The following MCM2 variants were observed in gnomAD, a reference collection of about 807,000 sequenced individuals.
The protein encoded by MCM2 is minichromosome maintenance complex component 2.
In MCM2, 49 loss-of-function variants were observed where a neutral mutation model predicts 86.4. The ratio of observed to expected loss-of-function variants is 0.57; its 90% CI spans 0.45 to 0.72. The LOEUF (loss-of-function observed/expected upper bound fraction) is 0.72, where lower values mean the gene tolerates loss of function less well. MCM2 is among the 30% of genes least tolerant of loss of function. The probability of loss-of-function intolerance (pLI) is 0.00; values close to 1 mark genes in which losing one functional copy is unlikely to be tolerated. For synonymous variants in MCM2, 475 were observed against 484.6 expected (o/e 0.98, Z 0.26); for missense variants, 1,038 against 1,259.9 (o/e 0.82, Z 2.67).
chr3:127,614,706 G>A (rs1475348749), intron 8 of MCM2, among the ~76,000 whole-genome samples: 1 of 152,128 alleles, frequency 6.6e-6, no homozygotes, highest in Non-Finnish European at 1.5e-5. Flanking sequence ...AGGTGACCTG[G>A]GTATCATAAC....
At chr3:127,612,596 AG>A (rs1411798436) in intron 8 of MCM2, among the ~76,000 whole-genome samples, 1 of 152,236 alleles carries the variant, frequency 6.6e-6, no homozygotes, top group African/African-American at 2.4e-5. Flanking sequence ...AAGCATAAGC[AG>A]CCAGTAGGTA....
chr3:127,609,190 A>G (rs1457251404), intron 8 of MCM2, among the ~76,000 whole-genome samples, 167 bp downstream of exon 8: 1 of 152,124 alleles, frequency 6.6e-6, no homozygotes, highest in Non-Finnish European at 1.5e-5. Flanking sequence ...GGAAGAGGTA[A>G]ACTCGCATTG....
chr3:127,611,170 A>G (rs957762156), intron 8 of MCM2, among the ~76,000 whole-genome samples: 8 of 152,198 alleles, frequency 5.3e-5, no homozygotes, highest in Non-Finnish European at 1.0e-4. Flanking sequence ...GAGTGCTACC[A>G]CAGTGGACAC....
In MCM2 at chr3:127,606,551, C is replaced by T. The variant is rs111346122; in HGVS notation, c.894-59C>T. ...CCAGGACAGTGTGTTGGGACACTCTCGTCTGCAGCCTGGCCTCACCCTGGC... is the reference window on the plus strand; with the variant it reads ...CCAGGACAGTGTGTTGGGACACTCTTGTCTGCAGCCTGGCCTCACCCTGGC... On this transcript the variant is annotated intron_variant, in intron 5 of 15. Coordinates refer to ENST00000265056, the MANE Select transcript of MCM2 (RefSeq NM_004526.4). This position sits in a 1 kb window ranked among gnomAD's most constrained non-coding sequence, Gnocchi z 4.2. 33 of 1,498,466 alleles carry T rather than the reference C, an allele frequency of 2.2e-5. No homozygotes were observed. Among genetic ancestry groups the T allele is most frequent in the African/African-American group, 6.9e-5 (5 of 72,742 alleles). The allele number at this position is 1,498,466 out of a possible 1,614,324, so 92.8% of individuals were successfully genotyped here.
At chr3:127,614,295 A>T (rs1346406145) in intron 8 of MCM2, among the ~76,000 whole-genome samples, 3 of 152,252 alleles carry the variant, frequency 2.0e-5, no homozygotes, top group Admixed American at 6.5e-5. Flanking sequence ...CAATACCATT[A>T]TCTCACTTTA....
At position 127,604,636 on chromosome 3, in the gene MCM2, G is replaced by A. The variant is rs778548957; in HGVS notation, c.265G>A (p.Ala89Thr). 1.9e-5 allele frequency: 30 copies of A among 1,613,190 alleles called. No individual in the cohort carries two copies. The highest frequency in any genetic ancestry group is 2.4e-5 in the Non-Finnish European group (28 of 1,180,048). Residue 89 changes from alanine to threonine, a missense_variant, in exon 3 of 16, where the codon GCC becomes ACC. Ala to Thr is a moderately conservative substitution (Grantham distance 58). Coordinates refer to ENST00000265056, the MANE Select transcript of MCM2 (RefSeq NM_004526.4). ...CTACCGCGCCATCCCAGAGCTGGACGCCTATGAGGCCGAGGGACTGGCTCT... is the reference window on the plus strand; with the variant it reads ...CTACCGCGCCATCCCAGAGCTGGACACCTATGAGGCCGAGGGACTGGCTCT... Reference protein sequence around the residue: ...RDYRAIPELDAYEAEGLALDD... With the variant: ...RDYRAIPELDTYEAEGLALDD...
In MCM2 at chr3:127,608,982, A is replaced by T. The variant is rs190988564; in HGVS notation, c.1387A>T (p.Met463Leu). ...VGELTDEDVK[M>L]ITSLSKDQQI... ...GGAACTGACCGATGAAGATGTGAAG[A>T]TGATCACTAGCCTCTCCAAGGATCA... The change falls in exon 8 of 16, where the codon ATG becomes TTG. Residue 463 changes from methionine to leucine, a missense_variant. By Grantham distance (15) the Met-to-Leu change is conservative. Coordinates refer to ENST00000265056, the MANE Select transcript of MCM2 (RefSeq NM_004526.4). 6.2e-7 allele frequency: 1 copy of T among 1,614,206 alleles called. No homozygotes were observed. The highest frequency in any genetic ancestry group is 2.2e-5 in the East Asian group (1 of 44,886).
At position 127,621,205 on chromosome 3, in the gene MCM2, C is replaced by A. The variant is rs1559868687; in HGVS notation, c.2581C>A (p.Pro861Thr). Reference sequence around the variant, plus strand: ...GGCCCAGCAGGACACTATTGAGGTCCCTGAGAAGGACTTGGTGGATAAGGT... The same window carrying A: ...GGCCCAGCAGGACACTATTGAGGTCACTGAGAAGGACTTGGTGGATAAGGT... ...FGAQQDTIEV[P>T]EKDLVDKARQ... The change falls in exon 15 of 16, where the codon CCT becomes ACT. Residue 861 changes from proline (P) to threonine (T), a missense_variant. Pro to Thr is a conservative substitution (Grantham distance 38). Coordinates refer to ENST00000265056, the MANE Select transcript of MCM2 (RefSeq NM_004526.4). 6.2e-7 allele frequency: 1 copy of A among 1,614,086 alleles called. No homozygotes were observed.
chr3:127,616,977 C>T lies in MCM2; in HGVS notation c.1632C>T (p.Ile544=), dbSNP rs778384031. 3.7e-6 allele frequency: 6 copies of T among 1,614,238 alleles called. No individual in the cohort carries two copies. Among genetic ancestry groups the T allele is most frequent in the Middle Eastern group, 1.6e-4 (1 of 6,062 alleles). ...KYIEKVSSRA[I]FTTGQGASAV... ...TTGAGAAAGTGTCCAGCCGAGCCAT[C>T]TTCACCACTGGCCAGGGGGCGTCGG... Residue 544 remains isoleucine, a synonymous_variant, in exon 10 of 16, where the codon ATC becomes ATT. Transcript: ENST00000265056.
chr3:127,602,897 G>A (rs1475838092), intron 2 of MCM2, among the ~76,000 whole-genome samples: 3 of 152,184 alleles, frequency 2.0e-5, no homozygotes, highest in Non-Finnish European at 4.4e-5. Flanking sequence ...AAGCCTTTTG[G>A]TCTAATGTTT....
At chr3:127,607,224 T>C (rs975570915) in intron 6 of MCM2, among the ~76,000 whole-genome samples, 3 of 152,198 alleles carry the variant, frequency 2.0e-5, no homozygotes, top group Non-Finnish European at 4.4e-5. Context: ...TTCTGGGACC[T>C]GTCTGGCTCA....
chr3:127,610,456 C>T (rs566444376), intron 8 of MCM2, among the ~76,000 whole-genome samples: 4 of 152,292 alleles, frequency 2.6e-5, no homozygotes, highest in African/African-American at 9.6e-5. Flanking sequence ...TCCACCTTCC[C>T]CTGAAGCCTG....
rs146895950 is a variant in MCM2, at chr3:127,606,200, G to A, written c.756G>A (p.Pro252=). 4.2e-5 allele frequency: 67 copies of A among 1,614,076 alleles called. No individual in the cohort carries two copies. The highest frequency in any genetic ancestry group is 1.3e-4 in the East Asian group (6 of 44,904). ...TGGCCTACTTCCTGCCTGAGGCACC[G>A]GCGGAGCTGCTGCAGATCTTTGATG... The part of the protein sequence containing the change: ...HVLAYFLPEA[P]AELLQIFDEA... Residue 252 remains proline (P), a synonymous_variant, in exon 5 of 16, where the codon CCG becomes CCA. Coordinates refer to ENST00000265056, the MANE Select transcript of MCM2 (RefSeq NM_004526.4). The surrounding 1 kb of genome is among the most constrained non-coding windows in gnomAD (Gnocchi z 4.2).
At position 127,614,435 on chromosome 3, in the gene MCM2, A is replaced by G. The variant is rs17538635; in HGVS notation, c.1429-1427A>G. Among the ~76,000 whole-genome samples, 9 of 152,212 alleles carry G rather than the reference A, an allele frequency of 5.9e-5. No homozygotes were observed. The South Asian group carries it at 1.9e-3, about 32-fold the overall frequency. On this transcript the variant is annotated intron_variant, in intron 8 of 15. Transcript: ENST00000265056. ...ATCCAAATAAGATCCATAAGTTGTG[A>G]TTGGTTGATATCTCTTAAGTCTCAT...
In MCM2 at chr3:127,618,506, C is replaced by T. The variant is rs1054872328; in HGVS notation, c.2013+425C>T. On this transcript the variant is annotated intron_variant, in intron 12 of 15. Transcript: ENST00000265056. The surrounding 1 kb of genome is among the most constrained non-coding windows in gnomAD (Gnocchi z 4.0). Reference sequence around the variant, plus strand: ...GAATAGAATCCAGGGTCCTCCCCTCCGGCCCGCACCCGCCATCTCTGCAGC... The same window carrying T: ...GAATAGAATCCAGGGTCCTCCCCTCTGGCCCGCACCCGCCATCTCTGCAGC... Among the ~76,000 whole-genome samples the T allele has an allele frequency of 3.9e-5, 6 of 152,174 alleles. No individual in the cohort carries two copies. The highest frequency in any genetic ancestry group is 6.5e-5 in the Admixed American group (1 of 15,284).
chr3:127,615,398 A>G (rs953915907), intron 8 of MCM2, among the ~76,000 whole-genome samples: 1 of 152,344 alleles, frequency 6.6e-6, no homozygotes, highest in Non-Finnish European at 1.5e-5. Context: ...CCTGGTGGAC[A>G]CATCTCCCAG....
chr3:127,622,008 T>C lies in MCM2; in HGVS notation c.*235T>C, dbSNP rs1252874773. 5 of 472,940 alleles carry C rather than the reference T, an allele frequency of 1.1e-5. No individual in the cohort carries two copies. Among genetic ancestry groups the C allele is most frequent in the Admixed American group, 7.4e-5 (2 of 27,030 alleles). The allele number at this position is 472,940 out of a possible 1,614,324, so 29.3% of individuals were successfully genotyped here. A position where few individuals can be genotyped will look rare whatever the true frequency, so the allele number is the denominator to read the frequency against. On this transcript the variant is annotated 3_prime_UTR_variant, in exon 16 of 16. Coordinates refer to ENST00000265056, the MANE Select transcript of MCM2 (RefSeq NM_004526.4). ...GTGTGTCTTACTTGGTTGCTGAACA[T>C]CTTGCCACCTCCGAGTGCTTTGTCT...
rs2074456578 is a variant in MCM2, at chr3:127,619,151, A to G, written c.2138A>G (p.Glu713Gly). 6.2e-7 allele frequency: 1 copy of G among 1,614,046 alleles called. No homozygotes were observed. The highest frequency in any genetic ancestry group is 1.3e-5 in the African/African-American group (1 of 74,948). ...EPAMPNTYGVEPLPQEVLKKY... is the reference protein window; with the variant it reads ...EPAMPNTYGVGPLPQEVLKKY... ...GCCATGCCCAACACGTATGGCGTGG[A>G]GCCCCTGCCCCAGGAGGTCCTGAAG... is the stretch of plus-strand genomic sequence containing the variant. Residue 713 changes from glutamate (E) to glycine (G), a missense_variant, in exon 13 of 16, where the codon GAG becomes GGG. Around this residue, in one of 4 missense-constraint regions of MCM2, gnomAD observed 336 missense variants for 425.7 expected, o/e 0.79. Coordinates refer to ENST00000265056, the MANE Select transcript of MCM2 (RefSeq NM_004526.4).
chr3:127,610,361 G>A (rs1207528827), intron 8 of MCM2, among the ~76,000 whole-genome samples: 1 of 152,158 alleles, frequency 6.6e-6, no homozygotes, highest in East Asian at 1.9e-4. Flanking sequence ...GAGGCCCTGA[G>A]TAATTTTGAA....
Sources: allele counts gnomAD v4.1 joint callset (sites outside exome capture counted in the v4.1 genomes callset), GRCh38; gene constraint gnomAD v4.1.1; regional missense constraint gnomAD v4.1.1; non-coding constraint Gnocchi (gnomAD v3.1); transcripts MANE v1.5; gene names NCBI Gene and HGNC (gene_info 2026-07-23, HGNC 2026-07-21).